The following TAF12 variants were observed in gnomAD, a reference collection of about 807,000 sequenced individuals.
TAF12 encodes transcription initiation factor TFIID subunit 12.
In TAF12, 3 loss-of-function variants were observed where a neutral mutation model predicts 20.8. That is an observed-to-expected ratio of 0.14 (90% CI 0.07 to 0.37). TAF12 has a LOEUF of 0.37. Among genes scored for constraint, TAF12 ranks in the 10% least tolerant of loss-of-function variants. The probability of loss-of-function intolerance (pLI) is 1.00; values close to 1 mark genes in which losing one functional copy is unlikely to be tolerated. For synonymous variants in TAF12, 69 were observed against 70.2 expected (o/e 0.98, Z 0.09); for missense variants, 131 against 197.9 (o/e 0.66, Z 2.03).
Position 28,605,383 on chromosome 1 carries a change from C to G in TAF12, c.439G>C (p.Ala147Pro), listed in dbSNP as rs760325663. The G allele has an allele frequency of 1.2e-5, 20 of 1,614,088 alleles. No homozygotes were observed. The highest frequency in any genetic ancestry group is 1.7e-5 in the Non-Finnish European group (20 of 1,180,014). The change falls in exon 5 of 6, where the codon GCT (alanine) becomes CCT (proline). Residue 147 changes from alanine to proline, a missense_variant. Transcript: ENST00000373824. ...RPYKKACTTE[A>P]HKQRMALIRK... is the part of the protein sequence containing the mutation. The stretch of plus-strand genomic sequence containing the variant: ...TGGCATTTCCTCACCTGTTTGTGAG[C>G]TTCTGTGGTGCAAGCTTTTTTGTAG...
At position 28,613,155 on chromosome 1, in the gene TAF12, T is replaced by C. The variant is rs146424599; in HGVS notation, c.361+92A>G. On this transcript the variant is annotated intron_variant, in intron 4 of 5. Coordinates refer to ENST00000373824, the MANE Select transcript of TAF12 (RefSeq NM_005644.4). Reference sequence around the variant, plus strand: ...TAAATCCCAGTGCCCAAAAGTCTGGTTCTGGCATGAAGGTTCCTCTGACTA... The same window carrying C: ...TAAATCCCAGTGCCCAAAAGTCTGGCTCTGGCATGAAGGTTCCTCTGACTA... The C allele has an allele frequency of 4.9e-3, 4,997 of 1,021,754 alleles. 21 individuals carry two copies. Among genetic ancestry groups the C allele is most frequent in the Non-Finnish European group, 6.1e-3 (4,386 of 722,684 alleles). The allele number at this position is 1,021,754 out of a possible 1,614,324, so 63.3% of individuals were successfully genotyped here. A position where few individuals can be genotyped will look rare whatever the true frequency, so the allele number is the denominator to read the frequency against.
chr1:28,617,836 T>C, intron 3 of TAF12, 117 bp downstream of exon 3: 1 of 983,686 alleles, frequency 1.0e-6, no homozygotes, highest in Non-Finnish European at 1.6e-6. Flanking sequence ...CCAGCAATCC[T>C]CCTGCTTTGG....
At chr1:28,628,495 G>A (rs1667510769) in intron 1 of TAF12, among the ~76,000 whole-genome samples, 4 of 152,082 alleles carry the variant, frequency 2.6e-5, no homozygotes, top group Admixed American at 2.6e-4. Context: ...GGGCATGTAG[G>A]AGAGGAATAG....
At chr1:28,624,039 GAAC>G in intron 1 of TAF12, 1 of 985,362 alleles carries the variant, frequency 1.0e-6, no homozygotes, top group Non-Finnish European at 1.2e-6. Context: ...ACCTGTAAAT[GAAC>G]AACTGGCATC....
intron 1 of TAF12, chr1:28,642,655 C>G: frequency 1.0e-6 from 1 of 985,590 alleles, no homozygotes; most frequent in Non-Finnish European, 1.2e-6. Flanking sequence ...CCACTTTTAC[C>G]TCTCCGGAGC....
At chr1:28,607,436 C>G (rs1666703398) in intron 4 of TAF12, among the ~76,000 whole-genome samples, 1 of 151,996 alleles carries the variant, frequency 6.6e-6, no homozygotes, top group African/African-American at 2.4e-5. Flanking sequence ...TTCGGGAGGC[C>G]AAAGTGGGCG....
intron 1 of TAF12, among the ~76,000 whole-genome samples, chr1:28,634,785 C>T (rs1009868540): frequency 6.6e-6 from 1 of 151,794 alleles, no homozygotes; most frequent in South Asian, 2.1e-4. Context: ...CAAAATTAGC[C>T]GGGCATGGTG....
intron 1 of TAF12, among the ~76,000 whole-genome samples, chr1:28,632,641 T>C (rs1667671553): frequency 6.6e-6 from 1 of 151,850 alleles, no homozygotes; most frequent in Non-Finnish European, 1.5e-5. Flanking sequence ...TAGGCCACTC[T>C]GGAAAAAAAA....
At chr1:28,606,287 G>A (rs966517736) in intron 4 of TAF12, among the ~76,000 whole-genome samples, 2 of 151,928 alleles carry the variant, frequency 1.3e-5, no homozygotes, top group Admixed American at 6.6e-5. Context: ...GTGAGACATC[G>A]CACCTGGCCT....
chr1:28,635,208 C>T (rs1221717945), intron 1 of TAF12, among the ~76,000 whole-genome samples: 2 of 145,530 alleles, frequency 1.4e-5, no homozygotes, highest in Non-Finnish European at 3.0e-5. Flanking sequence ...CCAGCCTGGG[C>T]GACAGAGCAA....
In TAF12 at chr1:28,639,426, C is replaced by CA. The variant is rs58772752; in HGVS notation, c.-85+3565dup. Among the ~76,000 whole-genome samples, 655 of 89,472 alleles carry CA rather than the reference C, an allele frequency of 7.3e-3. 27 individuals are homozygous for CA. Among genetic ancestry groups the CA allele is most frequent in the Middle Eastern group, 0.021 (3 of 146 alleles). The allele number at this position is 89,472 out of a possible 152,430, so 58.7% of individuals were successfully genotyped here. On this transcript the variant is annotated intron_variant, in intron 1 of 5. Coordinates refer to ENST00000373824, the MANE Select transcript of TAF12 (RefSeq NM_005644.4). Reference sequence around the variant, plus strand: ...AGTGAAAGAGCGAAACTCCGTCTCACAAAAAAAAAAAAAAAGGTAATATGT... The same window carrying CA: ...AGTGAAAGAGCGAAACTCCGTCTCACAAAAAAAAAAAAAAAAGGTAATATGT...
chr1:28,606,546 T>C (rs1666674885), intron 4 of TAF12, among the ~76,000 whole-genome samples: 1 of 151,902 alleles, frequency 6.6e-6, no homozygotes, highest in Non-Finnish European at 1.5e-5. Context: ...CAGGCATCAG[T>C]CACCATGCCT....
chr1:28,611,665 G>A (rs1408542644), intron 4 of TAF12, among the ~76,000 whole-genome samples: 2 of 152,260 alleles, frequency 1.3e-5, no homozygotes, highest in East Asian at 3.9e-4. Context: ...CTAGAAGGAG[G>A]CAAGAATAGA....
intron 3 of TAF12, among the ~76,000 whole-genome samples, chr1:28,616,423 G>GAAAAAC (rs1462842992): frequency 1.4e-5 from 2 of 147,562 alleles, no homozygotes; most frequent in East Asian, 4.0e-4. Context: ...AAAAGAAAAA[G>GAAAAAC]AAAAACAGTA....
At chr1:28,630,528 G>A (rs1420293903) in intron 1 of TAF12, among the ~76,000 whole-genome samples, 2 of 151,946 alleles carry the variant, frequency 1.3e-5, no homozygotes, top group Admixed American at 6.6e-5. Flanking sequence ...CTCCAGCCTA[G>A]GTGACAGAGT....
At chr1:28,634,853 C>T (rs958802493) in intron 1 of TAF12, among the ~76,000 whole-genome samples, 17 of 151,778 alleles carry the variant, frequency 1.1e-4, no homozygotes, top group East Asian at 1.9e-4. Context: ...TGTTTGAACC[C>T]GGGAGGTGGA....
chr1:28,614,565 C>T (rs996753211), intron 3 of TAF12, among the ~76,000 whole-genome samples: 1 of 151,980 alleles, frequency 6.6e-6, no homozygotes, highest in African/African-American at 2.4e-5. Context: ...CATCTGTAAT[C>T]CCAGCTACTC....
rs948950778 is a variant in TAF12, at chr1:28,648,254, G to A, written c.-134C>T. 75 of 985,198 alleles carry A rather than the reference G, an allele frequency of 7.6e-5. 1 individual carries two copies. In the Admixed American group the frequency reaches 4.5e-3, roughly 59 times the overall value. The allele number at this position is 985,198 out of a possible 1,614,324, so 61.0% of individuals were successfully genotyped here. A position where few individuals can be genotyped will look rare whatever the true frequency, so the allele number is the denominator to read the frequency against. ...CGCCATGAGACGCCTTCTGTCGTGA[G>A]CAGTTGACAAGAAAGACCCAGCACT... On this transcript the variant is annotated 5_prime_UTR_variant, in exon 1 of 6. Coordinates refer to the TAF12 transcript ENST00000685312.
At chr1:28,603,645 T>C (rs1268980587) in intron 5 of TAF12, 71 bp from the exon 6 acceptor site, 5 of 1,531,378 alleles carry the variant, frequency 3.3e-6, no homozygotes, top group South Asian at 1.1e-5. Context: ...ACATTCTGTG[T>C]GGCTAGCAGG....
Sources: gnomAD v4.1 joint callset for allele counts (sites outside exome capture counted in the v4.1 genomes callset) on GRCh38, gnomAD v4.1.1 for gene constraint, MANE v1.5 for transcripts, NCBI Gene and HGNC (gene_info 2026-07-23, HGNC 2026-07-21) for gene names.